B3GAT3: variants seen among roughly 807,000 people sequenced by gnomAD.
B3GAT3 encodes the protein beta-1,3-glucuronyltransferase 3, also known as galactosylgalactosylxylosylprotein 3-beta-glucuronosyltransferase 3.
Under a neutral mutation model 33.1 loss-of-function variants are expected in B3GAT3, and 19 were observed. The observed-to-expected ratio is 0.57, with a 90% CI of 0.40 to 0.84. The LOEUF (loss-of-function observed/expected upper bound fraction) is 0.84. B3GAT3 is among the 40% of genes least tolerant of loss of function. The probability of loss-of-function intolerance (pLI) is 0.00; values close to 1 mark genes in which losing one functional copy is unlikely to be tolerated. For missense variants in B3GAT3, 344 were observed against 441.5 expected (o/e 0.78, Z 1.98); for synonymous variants, 167 against 193.5 (o/e 0.86, Z 1.14).
intron 3 of B3GAT3, 21 bp from the exon 4 acceptor site, chr11:62,616,817 A>G: frequency 6.2e-7 from 1 of 1,613,816 alleles, no homozygotes; most frequent in Non-Finnish European, 8.5e-7. Context: ...TCGGGAGAGA[A>G]GAAACAGAGG....
In B3GAT3 at chr11:62,617,042, C is replaced by G. The variant is rs1174647247; in HGVS notation, c.563G>C (p.Gly188Ala). Residue 188 changes from glycine (G) to alanine (A), a missense_variant, in exon 3 of 5, where the codon GGA (glycine) becomes GCA (alanine). Gly to Ala is a moderately conservative substitution (Grantham distance 60, BLOSUM62 0). Coordinates refer to ENST00000265471, the MANE Select transcript of B3GAT3 (RefSeq NM_012200.4). ...EKDPPPPGTQ[G>A]VVYFADDDNT... ...GTCATCGTCAGCAAAGTAGACGACT[C>G]CTTGGGTCCCTGGTGGTGGTGGGTC... is the stretch of plus-strand genomic sequence containing the variant. 1.2e-6 allele frequency: 2 copies of G among 1,614,098 alleles called. No individual in the cohort carries two copies. Among genetic ancestry groups the G allele is most frequent in the African/African-American group, 2.7e-5 (2 of 74,932 alleles).
At chr11:62,618,382 G>A (rs991941092) in intron 2 of B3GAT3, among the ~76,000 whole-genome samples, 3 of 152,108 alleles carry the variant, frequency 2.0e-5, no homozygotes, top group Non-Finnish European at 4.4e-5. Context: ...TTAAATAAGA[G>A]CTGGGGATGG....
intron 2 of B3GAT3, among the ~76,000 whole-genome samples, chr11:62,618,986 A>G (rs1229383718): frequency 1.4e-4 from 17 of 124,506 alleles, no homozygotes; most frequent in South Asian, 5.0e-4. Context: ...CCATCTCGGG[A>G]AAAAAAAAAA....
At chr11:62,621,812 C>A (rs1046792202) in intron 1 of B3GAT3, 54 bp downstream of exon 1, 6 of 1,366,396 alleles carry the variant, frequency 4.4e-6, no homozygotes, top group South Asian at 1.2e-5. Context: ...GCGGGATGCA[C>A]GGCGGCGGGC....
intron 4 of B3GAT3, 129 bp downstream of exon 4, chr11:62,616,377 C>T: frequency 2.9e-6 from 4 of 1,371,534 alleles, no homozygotes; most frequent in Non-Finnish European, 4.1e-6. Flanking sequence ...TCAGTAGAGT[C>T]AGCAAGGCTG....
Position 62,621,980 on chromosome 11 carries a change from G to C in B3GAT3, c.-33C>G. On this transcript the variant is annotated 5_prime_UTR_variant, in exon 1 of 5. Transcript: ENST00000265471. ...CCGCCGCCCGCGCCCGAGCAGGCGG[G>C]GTCTGCAGGGGACGAGGGGTTCCCG... The C allele has an allele frequency of 6.2e-7, 1 of 1,610,954 alleles. No individual in the cohort carries two copies. Among genetic ancestry groups the C allele is most frequent in the South Asian group, 1.1e-5 (1 of 91,004 alleles).
intron 2 of B3GAT3, among the ~76,000 whole-genome samples, chr11:62,618,496 A>T (rs2134433147): frequency 6.6e-6 from 1 of 151,656 alleles, no homozygotes; most frequent in South Asian, 2.1e-4. Flanking sequence ...CCCCATCTCT[A>T]CTAAAAATAT....
rs887499970 is a variant in B3GAT3 at position 62,620,594 on chromosome 11, G to A, written c.160C>T (p.Leu54=). 2.5e-6 allele frequency: 4 copies of A among 1,612,778 alleles called. No homozygotes were observed. The highest frequency in any genetic ancestry group is 3.4e-6 in the Non-Finnish European group (4 of 1,179,472). ...LRQKDLRISQ[L]QAELRRPPPA... Reference sequence around the variant, plus strand: ...GGTGGCCGTCGGAGTTCCGCTTGCAGCTGGGAAATCCTCAGATCCTTCTGC... The same window carrying A: ...GGTGGCCGTCGGAGTTCCGCTTGCAACTGGGAAATCCTCAGATCCTTCTGC... Residue 54 remains leucine (L), a synonymous_variant, in exon 2 of 5, where the codon CTG becomes TTG. Coordinates refer to ENST00000265471, the MANE Select transcript of B3GAT3 (RefSeq NM_012200.4).
intron 2 of B3GAT3, 30 bp downstream of exon 2, chr11:62,620,467 C>A: frequency 6.2e-7 from 1 of 1,607,996 alleles, no homozygotes; most frequent in Non-Finnish European, 8.5e-7. Flanking sequence ...TTGGACAACG[C>A]AGACCTCTTG....
At chr11:62,616,408 C>T in intron 4 of B3GAT3, 98 bp downstream of exon 4, 1 of 1,538,882 alleles carries the variant, frequency 6.5e-7, no homozygotes. Context: ...TGGAGAGTCC[C>T]TCCTGGTTAA....
intron 2 of B3GAT3, among the ~76,000 whole-genome samples, chr11:62,619,365 G>A (rs2134434765): frequency 6.6e-6 from 1 of 152,116 alleles, no homozygotes; most frequent in East Asian, 1.9e-4. Context: ...ACACCCTTAT[G>A]GCTACAGATC....
chr11:62,620,020 CTTTTGTT>C (rs1482140174), intron 2 of B3GAT3, among the ~76,000 whole-genome samples: 1 of 150,396 alleles, frequency 6.6e-6, no homozygotes, highest in Non-Finnish European at 1.5e-5. Flanking sequence ...TTTCTTTTTT[CTTTTGTT>C]TTGTTTTGTT....
chr11:62,620,795 T>A, intron 1 of B3GAT3, 124 bp from the exon 2 acceptor site: 1 of 912,384 alleles, frequency 1.1e-6, no homozygotes, highest in Non-Finnish European at 1.7e-6. Context: ...CCTTATGACT[T>A]CCCTAGTAGC....
In B3GAT3 at chr11:62,615,662, T is replaced by C. The variant is rs1233418433; in HGVS notation, c.*39A>G. 2 of 1,603,614 alleles carry C rather than the reference T, an allele frequency of 1.2e-6. No individual in the cohort carries two copies. The highest frequency in any genetic ancestry group is 8.5e-7 in the Non-Finnish European group (1 of 1,176,284). On this transcript the variant is annotated 3_prime_UTR_variant, in exon 5 of 5. Transcript: ENST00000265471. ...GCCTGGGGCCCAGTCCCACAAGGTC[T>C]GTGCCTGAAAAGAGGTGGTAGTTGG... is the stretch of plus-strand genomic sequence containing the variant.
At chr11:62,621,165 C>G (rs1166247961) in intron 1 of B3GAT3, 2 of 456,992 alleles carry the variant, frequency 4.4e-6, no homozygotes, top group Non-Finnish European at 8.8e-6. Flanking sequence ...TTGATTCCAT[C>G]GTAGGATAAA....
At chr11:62,621,812 C>T (rs1046792202) in intron 1 of B3GAT3, 54 bp downstream of exon 1, 2 of 1,366,396 alleles carry the variant, frequency 1.5e-6, no homozygotes, top group East Asian at 3.3e-5. Context: ...GCGGGATGCA[C>T]GGCGGCGGGC....
intron 1 of B3GAT3, 79 bp downstream of exon 1, chr11:62,621,787 G>A (rs1943149588): frequency 3.6e-6 from 5 of 1,407,150 alleles, no homozygotes; most frequent in East Asian, 4.9e-5. Context: ...TGTTTGCCGG[G>A]GGTTCATCCC....
intron 2 of B3GAT3, among the ~76,000 whole-genome samples, chr11:62,619,994 A>G (rs1943114629): frequency 6.6e-6 from 1 of 152,004 alleles, no homozygotes. Flanking sequence ...TTCCTTCTAG[A>G]AAAAGAACTA....
chr11:62,619,724 T>TTTTTTTTTTTTTTTTTG (rs1554969086), intron 2 of B3GAT3, among the ~76,000 whole-genome samples: 1 of 137,132 alleles, frequency 7.3e-6, no homozygotes, highest in Admixed American at 7.5e-5. Context: ...TTTTTTTTTT[T>TTTTTTTTTTTTTTTTTG]CAGAGACAAG....
Sources: gnomAD v4.1 joint callset for allele counts (sites outside exome capture counted in the v4.1 genomes callset) on GRCh38, gnomAD v4.1.1 for gene constraint, MANE v1.5 for transcripts, NCBI Gene and HGNC (gene_info 2026-07-23, HGNC 2026-07-21) for gene names.